HERC2: variants seen among roughly 807,000 people sequenced by gnomAD.
HERC2 encodes the protein HECT and RLD domain containing E3 ubiquitin protein ligase 2.
A neutral mutation model predicts 537.7 loss-of-function variants in HERC2; 102 were observed. That is an observed-to-expected ratio of 0.19 (90% confidence interval 0.16 to 0.22). HERC2 has a LOEUF of 0.22. Ranked by LOEUF, HERC2 falls within the 10% of genes least tolerant of loss-of-function variation. The pLI is 1.00. For synonymous variants in HERC2, 2,224 were observed against 2,466.2 expected, an observed-to-expected ratio of 0.90 and a Z score of 2.91; for missense variants, 4,236 against 6,198.2, an observed-to-expected ratio of 0.68 and a Z score of 10.63.
At chr15:28,137,475 G>A (rs1001318611) in intron 78 of HERC2, among the ~76,000 whole-genome samples, 18 of 152,090 alleles carry the variant, frequency 1.2e-4, no homozygotes, top group African/African-American at 4.3e-4. Context: ...ACTTACCGTC[G>A]CTATGTCACG....
chr15:28,147,238 GA>G (rs1891845118), intron 70 of HERC2, among the ~76,000 whole-genome samples: 1 of 152,022 alleles, frequency 6.6e-6, no homozygotes, highest in African/African-American at 2.4e-5. Context: ...AAACAGAAGA[GA>G]AAAAGGGTCA....
intron 57 of HERC2, among the ~76,000 whole-genome samples, chr15:28,181,186 T>TG (rs1333909440): frequency 1.3e-5 from 2 of 152,118 alleles, no homozygotes; most frequent in Non-Finnish European, 2.9e-5. Context: ...ATTCCCTGGG[T>TG]GAAATAGTCA....
At position 28,167,523 on chromosome 15, in the gene HERC2, G is replaced by A. The variant is rs116228740; in HGVS notation, c.10554+164C>T. On this transcript the variant is annotated intron_variant, in intron 68 of 92. Coordinates refer to ENST00000261609, the MANE Select transcript of HERC2 (RefSeq NM_004667.6). ...GAAGCAGTAAGCAGTGACAGGGACCGTGTCCTGCGGCATTCCCACAAACGC... is the reference window on the plus strand; with the variant it reads ...GAAGCAGTAAGCAGTGACAGGGACCATGTCCTGCGGCATTCCCACAAACGC... 3.6e-3 allele frequency among the ~76,000 whole-genome samples: 550 copies of A among 152,318 alleles called. 6 individuals are homozygous for A. Among genetic ancestry groups the A allele is most frequent in the African/African-American group, 0.013 (522 of 41,576 alleles).
At chr15:28,214,503 A>G (rs1420484700) in intron 40 of HERC2, 152 bp downstream of exon 40, 1 of 1,082,812 alleles carries the variant, frequency 9.2e-7, no homozygotes, top group South Asian at 1.3e-5. Flanking sequence ...GCTCTTCACC[A>G]GGGCACAGGG....
chr15:28,282,692 C>A (rs540923548), intron 4 of HERC2, among the ~76,000 whole-genome samples: 1 of 152,038 alleles, frequency 6.6e-6, no homozygotes. Flanking sequence ...CCAGCACTTT[C>A]GGAGGCCGAG....
rs1895267659 is a variant in HERC2 at position 28,176,120 on chromosome 15, G to A, written c.9686+308C>T. On this transcript the variant is annotated intron_variant, in intron 63 of 92. Transcript: ENST00000261609. The surrounding 1 kb of genome is among the most constrained non-coding windows in gnomAD (Gnocchi z 5.0). ...TTTTCAGGATCAAAGGATTCAGAAG[G>A]CTATTTTGCTCCATTTTATCCTTAG... Among the ~76,000 whole-genome samples, 1 of 152,168 alleles carries A rather than the reference G, an allele frequency of 6.6e-6. No individual in the cohort carries two copies. The highest frequency in any genetic ancestry group is 2.1e-4 in the South Asian group (1 of 4,830).
chr15:28,227,415 C>T (rs1380129302), intron 35 of HERC2, among the ~76,000 whole-genome samples: 1 of 144,478 alleles, frequency 6.9e-6, no homozygotes, highest in African/African-American at 2.6e-5. Context: ...ATCAAAATCA[C>T]AATGAGACAC....
At chr15:28,125,942 G>A (rs1363254796) in intron 83 of HERC2, among the ~76,000 whole-genome samples, 1 of 152,234 alleles carries the variant, frequency 6.6e-6, no homozygotes, top group African/African-American at 2.4e-5. Context: ...CTCCTGAGTA[G>A]CTAGGCTCAC....
At chr15:28,204,409 C>T (rs963372329) in intron 45 of HERC2, among the ~76,000 whole-genome samples, 1 of 152,132 alleles carries the variant, frequency 6.6e-6, no homozygotes, top group African/African-American at 2.4e-5. Flanking sequence ...ATCATGAGGT[C>T]AGGAGTTCGA....
chr15:28,128,079 C>G (rs1336419183), intron 83 of HERC2, among the ~76,000 whole-genome samples: 4 of 152,142 alleles, frequency 2.6e-5, no homozygotes. Flanking sequence ...AGACACACAA[C>G]CCGAATCTAC....
At position 28,233,877 on chromosome 15, in the gene HERC2, G is replaced by A. The variant is rs1445961870; in HGVS notation, c.4219-81C>T. On this transcript the variant is annotated intron_variant, in intron 27 of 92. Coordinates refer to ENST00000261609, the MANE Select transcript of HERC2 (RefSeq NM_004667.6). ...TCTTAAACATGCCACAGCTTCTGACGCACTTGCAATCACTAATGCTTCTGA... is the reference window on the plus strand; with the variant it reads ...TCTTAAACATGCCACAGCTTCTGACACACTTGCAATCACTAATGCTTCTGA... 3.8e-5 allele frequency: 52 copies of A among 1,351,974 alleles called. 1 individual carries two copies. Among genetic ancestry groups the A allele is most frequent in the Admixed American group, 1.4e-4 (8 of 57,788 alleles). 83.7% of individuals were successfully genotyped at this position (1,351,974 alleles called of 1,614,324 possible). A position where few individuals can be genotyped will look rare whatever the true frequency, so the allele number is the denominator to read the frequency against.
chr15:28,257,745 C>CTT (rs112527396), intron 16 of HERC2, among the ~76,000 whole-genome samples: 25 of 145,762 alleles, frequency 1.7e-4, no homozygotes, highest in African/African-American at 5.8e-4. Context: ...AATACATATA[C>CTT]TTTTTTTTTT....
rs1302797221 is a variant in HERC2 at position 28,201,542 on chromosome 15, C to T, written c.7630G>A (p.Val2544Ile). 1.9e-6 allele frequency: 3 copies of T among 1,611,118 alleles called. No homozygotes were observed. The highest frequency in any genetic ancestry group is 1.1e-5 in the South Asian group (1 of 91,018). The change falls in exon 48 of 93, where the codon GTT becomes ATT. Residue 2544 changes from valine (V) to isoleucine (I), a missense_variant. This residue lies in a region of HERC2 where 606 missense variants were observed against 884.5 expected (regional missense o/e 0.69). Coordinates refer to ENST00000261609, the MANE Select transcript of HERC2 (RefSeq NM_004667.6). ...TTGTACGTCTGGCTCTCCGTCACAA[C>T]AGCACCAGTAGACTGCAAGAAATAA... ...DAAYSMSTGA[V>I]VTESQTYKKR...
rs1897603096 is a variant in HERC2, at chr15:28,198,763, T to C, written c.7723A>G (p.Met2575Val). Residue 2575 changes from methionine (M) to valine (V), a missense_variant, in exon 49 of 93, where the codon ATG (methionine) becomes GTG (valine). By Grantham distance (21) the Met-to-Val change is conservative. Coordinates refer to ENST00000261609, the MANE Select transcript of HERC2 (RefSeq NM_004667.6). ...VYVRENIQVG[M>V]MVRCCRAYEE... ...TACGCTCGGCAGCATCTAACCATCA[T>C]TCCCACCTAGAATTAAAATGAAATT... The C allele has an allele frequency of 1.2e-6, 2 of 1,610,066 alleles. No individual in the cohort carries two copies. Among genetic ancestry groups the C allele is most frequent in the East Asian group, 2.2e-5 (1 of 44,866 alleles).
In HERC2 at chr15:28,215,747, C is replaced by T; in HGVS notation, c.6084G>A (p.Gly2028=). The stretch of plus-strand genomic sequence containing the variant: ...GCGTGAGAGCGATGCTCCGCACAAA[C>T]CCCAGCGTGCACCAGCTCCGGTGTT... ...REQHRSWCTL[G]FVRSIALTPQ... Residue 2028 remains glycine (G), a synonymous_variant, in exon 39 of 93, where the codon GGG becomes GGA. Coordinates refer to ENST00000261609, the MANE Select transcript of HERC2 (RefSeq NM_004667.6). 1.2e-6 allele frequency: 2 copies of T among 1,612,006 alleles called. No homozygotes were observed. Among genetic ancestry groups the T allele is most frequent in the Non-Finnish European group, 1.7e-6 (2 of 1,179,838 alleles).
rs182419242 is a variant in HERC2, at chr15:28,231,007, A to C, written c.4676-507T>G. On this transcript the variant is annotated intron_variant, in intron 30 of 92. Transcript: ENST00000261609. ...TCTTAGTCCATGGGCAACACAAAGC[A>C]AGCAAGAGGTAGAATTTGGCCCATA... 1.3e-3 allele frequency among the ~76,000 whole-genome samples: 199 copies of C among 152,086 alleles called. 2 individuals carry two copies. Among genetic ancestry groups the C allele is most frequent in the African/African-American group, 4.2e-3 (174 of 41,488 alleles).
Position 28,113,254 on chromosome 15 carries a change from G to A in HERC2, c.14049C>T (p.His4683=). Residue 4683 remains histidine (H), a synonymous_variant, in exon 92 of 93, where the codon CAC becomes CAT. Coordinates refer to ENST00000261609, the MANE Select transcript of HERC2 (RefSeq NM_004667.6). The surrounding 1 kb of genome is among the most constrained non-coding windows in gnomAD (Gnocchi z 7.0). ...TATAGGTGGCCACCGACTTGAGAAG[G>A]TGCAGCGGGATGTCAGGGCTGCCAC... ...MVCGSPDIPL[H]LLKSVATYKG... is the part of the protein sequence containing the mutation. The A allele has an allele frequency of 1.9e-6, 3 of 1,614,126 alleles. No homozygotes were observed. The highest frequency in any genetic ancestry group is 2.5e-6 in the Non-Finnish European group (3 of 1,180,036).
chr15:28,254,098 C>T (rs1448365296), intron 20 of HERC2, among the ~76,000 whole-genome samples: 1 of 151,808 alleles, frequency 6.6e-6, no homozygotes, highest in African/African-American at 2.4e-5. Context: ...AGCCTGACCA[C>T]CATGAAGAAA....
At chr15:28,210,206 T>C (rs1899020534) in intron 44 of HERC2, among the ~76,000 whole-genome samples, 1 of 152,084 alleles carries the variant, frequency 6.6e-6, no homozygotes, top group African/African-American at 2.4e-5. Flanking sequence ...CCATCTCGGC[T>C]CACTGTAAGC....
Sources: allele counts gnomAD v4.1 joint callset (sites outside exome capture counted in the v4.1 genomes callset), GRCh38; gene constraint gnomAD v4.1.1; regional missense constraint gnomAD v4.1.1; non-coding constraint Gnocchi (gnomAD v3.1); transcripts MANE v1.5; gene names NCBI Gene and HGNC (gene_info 2026-07-23, HGNC 2026-07-21).